Variants in TMEM178B observed in about 807,000 individuals in gnomAD.
The protein encoded by TMEM178B is transmembrane protein 178B.
A neutral mutation model predicts 31.0 loss-of-function variants in TMEM178B; 5 were observed. That is an observed-to-expected ratio of 0.16 (90% CI 0.08 to 0.34). TMEM178B has a LOEUF of 0.34. Among genes scored for constraint, TMEM178B ranks in the 10% least tolerant of loss-of-function variants. The pLI is 1.00. For missense variants in TMEM178B, 275 were observed against 400.3 expected, an observed-to-expected ratio of 0.69 and a Z score of 2.67; for synonymous variants, 164 against 164.0, an observed-to-expected ratio of 1.00 and a Z score of 0.00.
chr7:141,138,840 C>T (rs763149439), intron 1 of TMEM178B, among the ~76,000 whole-genome samples: 10 of 151,734 alleles, frequency 6.6e-5, no homozygotes, highest in African/African-American at 1.7e-4. Flanking sequence ...AAAAATTAGC[C>T]GGGTGTGGTG....
intron 2 of TMEM178B, among the ~76,000 whole-genome samples, chr7:141,328,861 C>T (rs1228430753): frequency 6.6e-6 from 1 of 152,192 alleles, no homozygotes; most frequent in African/African-American, 2.4e-5. Context: ...ACTTCCAGCT[C>T]CTTTTTCTAC....
At chr7:141,323,968 G>T (rs1348593132) in intron 2 of TMEM178B, among the ~76,000 whole-genome samples, 1 of 152,040 alleles carries the variant, frequency 6.6e-6, no homozygotes, top group Non-Finnish European at 1.5e-5. Flanking sequence ...ATTACAAGGG[G>T]TCAAGCAAAT....
the TMEM178B span, among the ~76,000 whole-genome samples, chr7:141,485,880 T>C: frequency 9.9e-5 from 15 of 152,244 alleles, no homozygotes; most frequent in African/African-American, 3.1e-4. Flanking sequence ...GGACTCCCTC[T>C]ACATTCACAA....
rs552720727 is a variant in TMEM178B, at chr7:141,162,922, C to T, written c.383-49669C>T. The stretch of plus-strand genomic sequence containing the variant: ...CAAACCAGATCCATTTCCTGTAGAA[C>T]GTTTTATGGCATATGCATATAGCCA... On this transcript the variant is annotated intron_variant, in intron 1 of 3. Coordinates refer to ENST00000565468, the MANE Select transcript of TMEM178B (RefSeq NM_001195278.2). Among the ~76,000 whole-genome samples the T allele has an allele frequency of 7.2e-5, 11 of 152,320 alleles. No individual in the cohort carries two copies. The East Asian group carries it at 1.2e-3, about 16-fold the overall frequency.
intron 2 of TMEM178B, among the ~76,000 whole-genome samples, chr7:141,416,934 G>C (rs1440724518): frequency 6.6e-6 from 1 of 152,248 alleles, no homozygotes; most frequent in Non-Finnish European, 1.5e-5. Flanking sequence ...TTCCAGTCAT[G>C]TGAGACGCTT....
At chr7:141,366,843 C>T (rs1304928049) in intron 2 of TMEM178B, among the ~76,000 whole-genome samples, 1 of 152,042 alleles carries the variant, frequency 6.6e-6, no homozygotes, top group East Asian at 1.9e-4. Flanking sequence ...ATTCTAGGGG[C>T]TGCTCAGGCT....
At chr7:141,464,179 G>A (rs1265470586) in intron 3 of TMEM178B, among the ~76,000 whole-genome samples, 2 of 152,172 alleles carry the variant, frequency 1.3e-5, no homozygotes, top group Non-Finnish European at 2.9e-5. Context: ...GATGAAAGGA[G>A]GGGACCTTTG....
At chr7:141,345,187 C>T (rs765722258) in intron 2 of TMEM178B, among the ~76,000 whole-genome samples, 4 of 152,158 alleles carry the variant, frequency 2.6e-5, no homozygotes, top group Non-Finnish European at 4.4e-5. Flanking sequence ...AGAGACCTTA[C>T]GTTTTAACCT....
At chr7:141,467,739 C>T (rs1173880906) in intron 3 of TMEM178B, among the ~76,000 whole-genome samples, 7 of 152,140 alleles carry the variant, frequency 4.6e-5, no homozygotes, top group Non-Finnish European at 8.8e-5. Context: ...CTCCGACAGC[C>T]GCTCCTCAAT....
At chr7:141,497,935 G>A in the TMEM178B span, among the ~76,000 whole-genome samples, 1 of 152,218 alleles carries the variant, frequency 6.6e-6, no homozygotes, top group Non-Finnish European at 1.5e-5. Flanking sequence ...AAGCTGCAAA[G>A]CCCTGGGTTC....
Position 141,223,498 on chromosome 7 carries a change from T to G in TMEM178B, c.496+10794T>G, listed in dbSNP as rs1797289121. On this transcript the variant is annotated intron_variant, in intron 2 of 3. Coordinates refer to ENST00000565468, the MANE Select transcript of TMEM178B (RefSeq NM_001195278.2). ...TTCACTCTTTTTTTTTTTTTTTTTG[T>G]ATTTCCCTGATATCTAACTCTGGTT... 2.2e-5 allele frequency among the ~76,000 whole-genome samples: 3 copies of G among 139,514 alleles called. No individual in the cohort carries two copies. In the South Asian group the frequency reaches 6.6e-4, roughly 31 times the overall value. The allele number at this position is 139,514 out of a possible 152,430, so 91.5% of individuals were successfully genotyped here.
intron 3 of TMEM178B, among the ~76,000 whole-genome samples, chr7:141,468,695 C>G (rs1191918265): frequency 6.6e-6 from 1 of 152,106 alleles, no homozygotes; most frequent in African/African-American, 2.4e-5. Context: ...TCATCTCACG[C>G]CAGGGAACTC....
intron 2 of TMEM178B, among the ~76,000 whole-genome samples, chr7:141,339,714 T>G (rs1799484794): frequency 6.6e-6 from 1 of 152,214 alleles, no homozygotes; most frequent in African/African-American, 2.4e-5. Flanking sequence ...TCGTTGATGC[T>G]GTAAGTGTAG....
chr7:141,266,774 G>A (rs1369970242), intron 2 of TMEM178B, among the ~76,000 whole-genome samples: 3 of 152,194 alleles, frequency 2.0e-5, no homozygotes, highest in African/African-American at 4.8e-5. Context: ...CAGAAATACC[G>A]CATTGCTGTT....
At chr7:141,448,416 A>T (rs1439014063) in intron 3 of TMEM178B, among the ~76,000 whole-genome samples, 1 of 152,178 alleles carries the variant, frequency 6.6e-6, no homozygotes, top group South Asian at 2.1e-4. Flanking sequence ...TGGCAACAGC[A>T]AGGTGAAGAT....
chr7:141,422,854 G>A lies in TMEM178B; in HGVS notation c.497-14754G>A, dbSNP rs1034972105. On this transcript the variant is annotated intron_variant, in intron 2 of 3. Transcript: ENST00000565468. This position sits in a 1 kb window ranked among gnomAD's most constrained non-coding sequence, Gnocchi z 4.2. Reference sequence around the variant, plus strand: ...CTCTTGTTATATGTAAACTGAAGGCGGCGAGAGCACTATGAGTTGCAGAAC... The same window carrying A: ...CTCTTGTTATATGTAAACTGAAGGCAGCGAGAGCACTATGAGTTGCAGAAC... 3.3e-5 allele frequency among the ~76,000 whole-genome samples: 5 copies of A among 152,038 alleles called. No individual in the cohort carries two copies. The highest frequency in any genetic ancestry group is 6.6e-5 in the Admixed American group (1 of 15,262).
chr7:141,277,959 T>C (rs1563139176), intron 2 of TMEM178B, among the ~76,000 whole-genome samples: 2 of 152,162 alleles, frequency 1.3e-5, no homozygotes, highest in Non-Finnish European at 2.9e-5. Context: ...GTTGGAGAGA[T>C]AAGATATGAA....
At chr7:141,279,101 C>G (rs1436219713) in intron 2 of TMEM178B, among the ~76,000 whole-genome samples, 3 of 152,158 alleles carry the variant, frequency 2.0e-5, no homozygotes, top group African/African-American at 7.2e-5. Flanking sequence ...CATATGCTGA[C>G]CGTCGATGGG....
chr7:141,267,410 T>G (rs959015904), intron 2 of TMEM178B, among the ~76,000 whole-genome samples: 5 of 152,246 alleles, frequency 3.3e-5, no homozygotes, highest in African/African-American at 9.6e-5. Context: ...GCCCAGCCAG[T>G]AGTGGGTTTG....
Sources: gnomAD v4.1 joint callset for allele counts (sites outside exome capture counted in the v4.1 genomes callset) on GRCh38, gnomAD v4.1.1 for gene constraint, Gnocchi (gnomAD v3.1) non-coding constraint, MANE v1.5 for transcripts, NCBI Gene and HGNC (gene_info 2026-07-23, HGNC 2026-07-21) for gene names.